EXOC6B: variants seen among roughly 807,000 people sequenced by gnomAD.
EXOC6B encodes exocyst complex component 6B.
In EXOC6B, 54 loss-of-function variants were observed where a neutral mutation model predicts 113.5. The ratio of observed to expected loss-of-function variants is 0.48; its 90% CI spans 0.38 to 0.60. The LOEUF is 0.60. EXOC6B is among the 20% of genes least tolerant of loss of function. EXOC6B has a pLI of 0.00. For synonymous variants in EXOC6B, 357 were observed against 339.0 expected (o/e 1.05, Z -0.58); for missense variants, 797 against 977.5 (o/e 0.82, Z 2.46).
At position 72,470,254 on chromosome 2, in the gene EXOC6B, T is replaced by C. The variant is rs1298477569; in HGVS notation, c.1801-4915A>G. On this transcript the variant is annotated intron_variant, in intron 17 of 21. Transcript: ENST00000272427. ...TTTGTTTGTGTCCTCTTCCGTTTCT[T>C]TCATCAGTGTTTTGTAGTTTTCATT... 2.0e-5 allele frequency among the ~76,000 whole-genome samples: 3 copies of C among 152,200 alleles called. No individual in the cohort carries two copies. The East Asian group carries it at 5.8e-4, about 29-fold the overall frequency.
At chr2:72,516,204 T>C (rs1021912427) in intron 8 of EXOC6B, among the ~76,000 whole-genome samples, 1 of 152,180 alleles carries the variant, frequency 6.6e-6, no homozygotes, top group Admixed American at 6.6e-5. Context: ...TCAGTGTGTT[T>C]AGATTATCAC....
intron 19 of EXOC6B, among the ~76,000 whole-genome samples, chr2:72,339,759 C>T (rs1688916724): frequency 6.6e-6 from 1 of 152,142 alleles, no homozygotes; most frequent in Non-Finnish European, 1.5e-5. Flanking sequence ...ATGAAGGAAA[C>T]ATCTTCACTT....
chr2:72,344,561 A>G (rs1476141381), intron 19 of EXOC6B, among the ~76,000 whole-genome samples: 1 of 152,148 alleles, frequency 6.6e-6, no homozygotes, highest in Non-Finnish European at 1.5e-5. Flanking sequence ...CTTTGGAAAA[A>G]AAATTCTTCC....
intron 20 of EXOC6B, among the ~76,000 whole-genome samples, chr2:72,250,679 C>G (rs1682958981): frequency 6.6e-6 from 1 of 152,062 alleles, no homozygotes; most frequent in Non-Finnish European, 1.5e-5. Context: ...AGTCAGATCT[C>G]TGTAAGCAAT....
chr2:72,589,824 T>C (rs1220164172), intron 6 of EXOC6B, among the ~76,000 whole-genome samples: 2 of 150,796 alleles, frequency 1.3e-5, no homozygotes, highest in African/African-American at 2.5e-5. Flanking sequence ...TGACATGGCA[T>C]TGAATGGAAA....
chr2:72,787,229 C>T (rs1427012301), intron 1 of EXOC6B, among the ~76,000 whole-genome samples: 1 of 150,536 alleles, frequency 6.6e-6, no homozygotes, highest in East Asian at 1.9e-4. Context: ...TATTTTTTTT[C>T]GAGACAGAGT....
At chr2:72,455,821 G>C (rs970936756) in intron 18 of EXOC6B, among the ~76,000 whole-genome samples, 5 of 151,922 alleles carry the variant, frequency 3.3e-5, no homozygotes, top group African/African-American at 1.2e-4. Context: ...TAGACACACA[G>C]AGAGAGAGAA....
intron 20 of EXOC6B, among the ~76,000 whole-genome samples, chr2:72,263,933 C>A (rs192047291): frequency 1.2e-4 from 19 of 152,122 alleles, no homozygotes; most frequent in East Asian, 5.8e-4. Flanking sequence ...AGCCAGCCAG[C>A]CAGACAGGCA....
chr2:72,433,239 G>A (rs922294218), intron 18 of EXOC6B, among the ~76,000 whole-genome samples: 18 of 143,616 alleles, frequency 1.3e-4, no homozygotes, highest in Non-Finnish European at 5.9e-5. Flanking sequence ...TGTTATTTCT[G>A]AGGCCTCTCT....
chr2:72,684,814 G>C (rs1198841642), intron 6 of EXOC6B, among the ~76,000 whole-genome samples: 1 of 152,174 alleles, frequency 6.6e-6, no homozygotes, highest in Non-Finnish European at 1.5e-5. Context: ...GGGGAGGCAA[G>C]GGGAGAGGAC....
chr2:72,381,088 C>G lies in EXOC6B; in HGVS notation c.1981-1218G>C, dbSNP rs545977780. ...TGTTCCTCCCAGTCCCCACAGATGA[C>G]CATTATTGGTATTAGGTATCCCATT... On this transcript the variant is annotated intron_variant, in intron 18 of 21. Coordinates refer to ENST00000272427, the MANE Select transcript of EXOC6B (RefSeq NM_015189.3). Among the ~76,000 whole-genome samples, 3 of 152,234 alleles carry G rather than the reference C, an allele frequency of 2.0e-5. No homozygotes were observed. The East Asian group carries it at 5.8e-4, about 29-fold the overall frequency.
At chr2:72,697,466 G>A (rs917463135) in intron 6 of EXOC6B, among the ~76,000 whole-genome samples, 6 of 152,100 alleles carry the variant, frequency 3.9e-5, no homozygotes, top group East Asian at 1.9e-4. Flanking sequence ...TAGGCAGATC[G>A]CTTGAACTCA....
At chr2:72,335,454 C>T (rs573906885) in intron 19 of EXOC6B, among the ~76,000 whole-genome samples, 48 of 151,984 alleles carry the variant, frequency 3.2e-4, no homozygotes, top group African/African-American at 9.7e-5. Context: ...ACGCTTGTCA[C>T]CTCATTCCCC....
At chr2:72,738,984 A>T (rs989563334) in intron 2 of EXOC6B, among the ~76,000 whole-genome samples, 1 of 152,244 alleles carries the variant, frequency 6.6e-6, no homozygotes, top group African/African-American at 2.4e-5. Context: ...TTATTTATTT[A>T]CATGTAAAGT....
rs193167076 is a variant in EXOC6B, at chr2:72,726,818, T to C, written c.464+4189A>G. ...GAACCAGGAAAAAAATAAAATACAG[T>C]CAGCCCTTCATATTTGCAGGTTCCA... On this transcript the variant is annotated intron_variant, in intron 5 of 21. Coordinates refer to ENST00000272427, the MANE Select transcript of EXOC6B (RefSeq NM_015189.3). Among the ~76,000 whole-genome samples, 10 of 152,256 alleles carry C rather than the reference T, an allele frequency of 6.6e-5. No individual in the cohort carries two copies. In the East Asian group the frequency reaches 1.9e-3, roughly 29 times the overall value.
At chr2:72,507,793 C>G (rs12052660) in intron 11 of EXOC6B, among the ~76,000 whole-genome samples, 8 of 151,916 alleles carry the variant, frequency 5.3e-5, no homozygotes, top group Admixed American at 4.6e-4. Flanking sequence ...CTCCACAGAT[C>G]TACACTTTGA....
intron 7 of EXOC6B, among the ~76,000 whole-genome samples, chr2:72,565,849 G>A (rs1193088710): frequency 6.6e-6 from 1 of 152,110 alleles, no homozygotes; most frequent in East Asian, 1.9e-4. Context: ...GGGGTGGGTG[G>A]TGGGGTATAG....
intron 18 of EXOC6B, among the ~76,000 whole-genome samples, chr2:72,409,861 G>A (rs1694047126): frequency 6.6e-6 from 1 of 151,820 alleles, no homozygotes; most frequent in Non-Finnish European, 1.5e-5. Flanking sequence ...AAAACTTAAA[G>A]TATAATAAAA....
intron 20 of EXOC6B, among the ~76,000 whole-genome samples, chr2:72,216,431 G>A (rs1019392234): frequency 7.2e-5 from 11 of 152,170 alleles, no homozygotes; most frequent in Non-Finnish European, 5.9e-5. Context: ...TGGAGAAATA[G>A]GAATGCTTTT....
Sources: allele counts gnomAD v4.1 joint callset (sites outside exome capture counted in the v4.1 genomes callset), GRCh38; gene constraint gnomAD v4.1.1; transcripts MANE v1.5; gene names NCBI Gene and HGNC (gene_info 2026-07-23, HGNC 2026-07-21).